OSBPL3: variants seen among roughly 807,000 people sequenced by gnomAD.
OSBPL3 encodes the protein oxysterol-binding protein-related protein 3.
A neutral mutation model predicts 120.1 loss-of-function variants in OSBPL3; 65 were observed. That is an observed-to-expected ratio of 0.54 (90% confidence interval 0.44 to 0.67). The LOEUF is 0.67. Ranked by LOEUF, OSBPL3 falls within the 30% of genes least tolerant of loss-of-function variation. The pLI, the probability that OSBPL3 is intolerant of heterozygous loss-of-function variation, is 0.00. For missense variants in OSBPL3, 1,004 were observed against 1,082.1 expected, an observed-to-expected ratio of 0.93 and a Z score of 1.01; for synonymous variants, 416 against 402.6, an observed-to-expected ratio of 1.03 and a Z score of -0.40.
At position 24,947,451 on chromosome 7, in the gene OSBPL3, T is replaced by C. The variant is rs1813859616; in HGVS notation, c.-150+32435A>G. Among the ~76,000 whole-genome samples, 1 of 152,230 alleles carries C rather than the reference T, an allele frequency of 6.6e-6. No individual in the cohort carries two copies. Among genetic ancestry groups the C allele is most frequent in the Non-Finnish European group, 1.5e-5 (1 of 68,044 alleles). The stretch of plus-strand genomic sequence containing the variant: ...AAGCCTCCAGAGCATCACTCCTGAC[T>C]GCTGCTTTTGCTCCCCACGTGACTA... On this transcript the variant is annotated intron_variant, in intron 1 of 22. Transcript: ENST00000313367. This position sits in a 1 kb window ranked among gnomAD's most constrained non-coding sequence, Gnocchi z 4.4.
chr7:24,901,378 G>C (rs1807006583), intron 1 of OSBPL3, among the ~76,000 whole-genome samples: 1 of 150,972 alleles, frequency 6.6e-6, no homozygotes, highest in African/African-American at 2.5e-5. Context: ...AGAGAGAGTT[G>C]GTAAGACAGA....
intron 1 of OSBPL3, among the ~76,000 whole-genome samples, chr7:24,923,572 G>A (rs1453940091): frequency 6.6e-6 from 1 of 152,172 alleles, no homozygotes; most frequent in Non-Finnish European, 1.5e-5. Context: ...GGCAGAGAGA[G>A]GGAGGGAGAG....
chr7:24,909,535 T>C (rs1319192801), intron 1 of OSBPL3, among the ~76,000 whole-genome samples: 1 of 152,132 alleles, frequency 6.6e-6, no homozygotes, highest in African/African-American at 2.4e-5. Context: ...AAATAAACTT[T>C]AATCGTGTTA....
Position 24,933,977 on chromosome 7 carries a change from A to C in OSBPL3, c.-149-41356T>G, listed in dbSNP as rs1395517827. 5.9e-5 allele frequency among the ~76,000 whole-genome samples: 9 copies of C among 152,242 alleles called. 1 individual carries two copies. Among genetic ancestry groups the C allele is most frequent in the Admixed American group, 5.2e-4 (8 of 15,290 alleles). ...TGACATTAGAAAAGCAAAGTTTAAG[A>C]ATGCAGATAGACCATGTGTGTAATA... On this transcript the variant is annotated intron_variant, in intron 1 of 22. Transcript: ENST00000313367. The surrounding 1 kb of genome is among the most constrained non-coding windows in gnomAD (Gnocchi z 5.1).
In OSBPL3 at chr7:24,806,198, C is replaced by T; in HGVS notation, c.2444+578G>A. Among the ~76,000 whole-genome samples, 1 of 152,244 alleles carries T rather than the reference C, an allele frequency of 6.6e-6. No homozygotes were observed. Among genetic ancestry groups the T allele is most frequent in the South Asian group, 2.1e-4 (1 of 4,832 alleles). On this transcript the variant is annotated intron_variant, in intron 21 of 22. Transcript: ENST00000313367. This position sits in a 1 kb window ranked among gnomAD's most constrained non-coding sequence, Gnocchi z 5.2. The stretch of plus-strand genomic sequence containing the variant: ...TCTTGAACTCCTGACTTCAAGTGAT[C>T]CGCCCGCTTCGGCCTCCCAAAGTGT...
chr7:24,968,418 T>A lies in OSBPL3; in HGVS notation c.-150+11468A>T, dbSNP rs943474661. Among the ~76,000 whole-genome samples, 2 of 152,026 alleles carry A rather than the reference T, an allele frequency of 1.3e-5. No homozygotes were observed. Among genetic ancestry groups the A allele is most frequent in the Non-Finnish European group, 2.9e-5 (2 of 68,006 alleles). Reference sequence around the variant, plus strand: ...CACCAGTTTTTTTGTTTTTTTTGAGTCGGAGTCTCCCTCTGTCACCCAGAC... The same window carrying A: ...CACCAGTTTTTTTGTTTTTTTTGAGACGGAGTCTCCCTCTGTCACCCAGAC... On this transcript the variant is annotated intron_variant, in intron 1 of 22. Coordinates refer to ENST00000313367, the MANE Select transcript of OSBPL3 (RefSeq NM_015550.4). The surrounding 1 kb of genome is among the most constrained non-coding windows in gnomAD (Gnocchi z 4.6).
chr7:24,978,947 G>T (rs1389541409), intron 1 of OSBPL3, among the ~76,000 whole-genome samples: 1 of 152,208 alleles, frequency 6.6e-6, no homozygotes, highest in Non-Finnish European at 1.5e-5. Context: ...AAGGAAGGGC[G>T]GCGCGCCCCT....
In OSBPL3 at chr7:24,898,138, C is replaced by A. The variant is rs1221124800; in HGVS notation, c.-149-5517G>T. Among the ~76,000 whole-genome samples the A allele has an allele frequency of 1.3e-5, 2 of 152,170 alleles. No homozygotes were observed. The highest frequency in any genetic ancestry group is 2.4e-5 in the African/African-American group (1 of 41,432). On this transcript the variant is annotated intron_variant, in intron 1 of 22. Transcript: ENST00000313367. The surrounding 1 kb of genome is among the most constrained non-coding windows in gnomAD (Gnocchi z 4.3). ...GGTACCCTCTGAAACACCCTGATTT[C>A]AAAAATGTTACATGGTCAAAAGCAG...
chr7:24,817,480 T>C lies in OSBPL3; in HGVS notation c.1949-792A>G, dbSNP rs1794613555. Among the ~76,000 whole-genome samples, 1 of 152,064 alleles carries C rather than the reference T, an allele frequency of 6.6e-6. No individual in the cohort carries two copies. Among genetic ancestry groups the C allele is most frequent in the African/African-American group, 2.4e-5 (1 of 41,378 alleles). On this transcript the variant is annotated intron_variant, in intron 17 of 22. Transcript: ENST00000313367. This position sits in a 1 kb window ranked among gnomAD's most constrained non-coding sequence, Gnocchi z 4.0. ...AAGATCATGCCATTGCACTCCAGCC[T>C]GGGTGATGGAGTGAGATTCTGCCAA...
In OSBPL3 at chr7:24,947,231, A is replaced by C. The variant is rs1247672449; in HGVS notation, c.-150+32655T>G. 1.3e-5 allele frequency among the ~76,000 whole-genome samples: 2 copies of C among 152,260 alleles called. No homozygotes were observed. Among genetic ancestry groups the C allele is most frequent in the East Asian group, 3.8e-4 (2 of 5,206 alleles). On this transcript the variant is annotated intron_variant, in intron 1 of 22. Transcript: ENST00000313367. This position sits in a 1 kb window ranked among gnomAD's most constrained non-coding sequence, Gnocchi z 4.4. Reference sequence around the variant, plus strand: ...TATAATTCCATAACAAAGGATTTAGAAAATAAAAGCAAAACTGAGTTCCTA... The same window carrying C: ...TATAATTCCATAACAAAGGATTTAGCAAATAAAAGCAAAACTGAGTTCCTA...
rs146551422 is a variant in OSBPL3 at position 24,927,588 on chromosome 7, A to C, written c.-149-34967T>G. 5.8e-4 allele frequency among the ~76,000 whole-genome samples: 89 copies of C among 152,342 alleles called. 1 individual carries two copies. The East Asian group carries it at 0.014, about 24-fold the overall frequency. On this transcript the variant is annotated intron_variant, in intron 1 of 22. Transcript: ENST00000313367. ...GGCAAAATATCCTCAGGCACAGAAG[A>C]AGCTTGCTGATGAAAATGTGTATGG... is the stretch of plus-strand genomic sequence containing the variant.
At position 24,822,094 on chromosome 7, in the gene OSBPL3, G is replaced by T. The variant is rs1274762790; in HGVS notation, c.1885-1856C>A. On this transcript the variant is annotated intron_variant, in intron 16 of 22. Transcript: ENST00000313367. This position sits in a 1 kb window ranked among gnomAD's most constrained non-coding sequence, Gnocchi z 5.8. ...ATGCTATGTTGCCCAGACTGGTCCG[G>T]AACTCCTGGCCTCAAGTGATCTTCC... Among the ~76,000 whole-genome samples, 1 of 152,016 alleles carries T rather than the reference G, an allele frequency of 6.6e-6. No individual in the cohort carries two copies. The highest frequency in any genetic ancestry group is 1.5e-5 in the Non-Finnish European group (1 of 67,996).
At chr7:24,874,545 C>G (rs1406063307) in intron 2 of OSBPL3, among the ~76,000 whole-genome samples, 1 of 152,008 alleles carries the variant, frequency 6.6e-6, no homozygotes, top group Non-Finnish European at 1.5e-5. Flanking sequence ...TTCAAAAATT[C>G]CTGTTAGAAC....
intron 1 of OSBPL3, among the ~76,000 whole-genome samples, chr7:24,978,231 T>A (rs1817800732): frequency 6.6e-6 from 1 of 152,258 alleles, no homozygotes; most frequent in Non-Finnish European, 1.5e-5. Flanking sequence ...TGCTATTTGT[T>A]AATTTTCCCA....
intron 2 of OSBPL3, among the ~76,000 whole-genome samples, chr7:24,875,218 A>T (rs1350226331): frequency 6.6e-6 from 1 of 152,194 alleles, no homozygotes; most frequent in African/African-American, 2.4e-5. Context: ...CACTCTTGGG[A>T]TGTAAGTGCA....
intron 1 of OSBPL3, among the ~76,000 whole-genome samples, chr7:24,973,747 A>G (rs1346422973): frequency 6.6e-6 from 1 of 152,252 alleles, no homozygotes; most frequent in Non-Finnish European, 1.5e-5. Flanking sequence ...GCAAAGAAGC[A>G]TCTTTGAAAA....
chr7:24,866,339 T>A, intron 5 of OSBPL3, 102 bp from the exon 6 acceptor site: 1 of 895,424 alleles, frequency 1.1e-6, no homozygotes, highest in Non-Finnish European at 1.8e-6. Context: ...CTTTTTCAGT[T>A]GGCACGTAAT....
Position 24,841,717 on chromosome 7 carries a change from A to AAAAAAAAG in OSBPL3, c.1401+561_1401+562insCTTTTTTT, listed in dbSNP as rs70942886. Among the ~76,000 whole-genome samples, 51 of 82,804 alleles carry AAAAAAAAG rather than the reference A, an allele frequency of 6.2e-4. 9 individuals are homozygous for AAAAAAAAG. The highest frequency in any genetic ancestry group is 2.2e-3 in the East Asian group (5 of 2,256). The allele number at this position is 82,804 out of a possible 152,430, so 54.3% of individuals were successfully genotyped here. A position where few individuals can be genotyped will look rare whatever the true frequency, so the allele number is the denominator to read the frequency against. On this transcript the variant is annotated intron_variant, in intron 13 of 22. Coordinates refer to ENST00000313367, the MANE Select transcript of OSBPL3 (RefSeq NM_015550.4). ...CTCAAAAAAAAAAAAAAAAAAAAAAAAAAAGAGGCCAGGCACAGTGGCTCA... is the reference window on the plus strand; with the variant it reads ...CTCAAAAAAAAAAAAAAAAAAAAAAAAAAAAAAGAAAAGAGGCCAGGCACAGTGGCTCA...
chr7:24,901,326 T>A (rs1806989459), intron 1 of OSBPL3, among the ~76,000 whole-genome samples: 2 of 151,046 alleles, frequency 1.3e-5, no homozygotes, highest in Non-Finnish European at 2.9e-5. Context: ...TACTCCAGCC[T>A]GGGTGACAGA....
Sources: gnomAD v4.1 joint callset for allele counts (sites outside exome capture counted in the v4.1 genomes callset) on GRCh38, gnomAD v4.1.1 for gene constraint, Gnocchi (gnomAD v3.1) non-coding constraint, MANE v1.5 for transcripts, NCBI Gene and HGNC (gene_info 2026-07-23, HGNC 2026-07-21) for gene names.